HFE: variants seen among roughly 807,000 people sequenced by gnomAD.
The protein encoded by HFE is homeostatic iron regulator.
In HFE, 36 loss-of-function variants were observed where a neutral mutation model predicts 40.9. The observed-to-expected ratio is 0.88, with a 90% CI of 0.67 to 1.16. The LOEUF (loss-of-function observed/expected upper bound fraction) is 1.16, where lower values mean the gene tolerates loss of function less well. Among genes scored for constraint, HFE ranks in the 50% most tolerant of loss-of-function variants. The pLI is 0.00. For missense variants in HFE, 376 were observed against 432.0 expected, an observed-to-expected ratio of 0.87 and a Z score of 1.15; for synonymous variants, 157 against 165.4, an observed-to-expected ratio of 0.95 and a Z score of 0.39.
At chr6:26,093,576 A>G (rs1299578155) in intron 5 of HFE, among the ~76,000 whole-genome samples, 1 of 152,098 alleles carries the variant, frequency 6.6e-6, no homozygotes, top group Non-Finnish European at 1.5e-5. Flanking sequence ...TGAGGTCCTA[A>G]AGCAGGCAGG....
rs200919231 is a variant in HFE, at chr6:26,094,155, T to G, written c.1007-31T>G. ...GGCAAGATGGTGCCTAGGTTTGTGA[T>G]GCCTCTTTCCTGGGTCTCTTGTCTC... On this transcript the variant is annotated intron_variant, in intron 5 of 5. Coordinates refer to ENST00000357618, the MANE Select transcript of HFE (RefSeq NM_000410.4). 590 of 1,612,036 alleles carry G rather than the reference T, an allele frequency of 3.7e-4. 2 individuals are homozygous for G. The highest frequency in any genetic ancestry group is 4.3e-4 in the Non-Finnish European group (509 of 1,178,682).
In HFE at chr6:26,087,457, G is replaced by C; in HGVS notation, c.17G>C (p.Arg6Thr). ...GCTGGGGAAATGGGCCCGCGAGCCAGGCCGGCGCTTCTCCTCCTGATGCTT... is the reference window on the plus strand; with the variant it reads ...GCTGGGGAAATGGGCCCGCGAGCCACGCCGGCGCTTCTCCTCCTGATGCTT... The part of the protein sequence containing the change: MGPRA[R>T]PALLLLMLLQ... The change falls in exon 1 of 6, where the codon AGG becomes ACG. Residue 6 changes from arginine to threonine, a missense_variant. Physicochemically the swap from Arg to Thr is moderately conservative, Grantham distance 71 (BLOSUM62 -1). Around this residue, in one of 3 missense-constraint regions of HFE, gnomAD observed 200 missense variants for 228.5 expected, o/e 0.88. Coordinates refer to ENST00000357618, the MANE Select transcript of HFE (RefSeq NM_000410.4). The C allele has an allele frequency of 1.9e-6, 3 of 1,614,138 alleles. No homozygotes were observed. The highest frequency in any genetic ancestry group is 2.5e-6 in the Non-Finnish European group (3 of 1,180,004).
chr6:26,087,834 G>C (rs917471125), intron 1 of HFE, among the ~76,000 whole-genome samples: 8 of 152,216 alleles, frequency 5.3e-5, no homozygotes, highest in Non-Finnish European at 1.2e-4. Context: ...CTTGAGCTGA[G>C]CTAAGCCTGG....
At chr6:26,091,618 T>C in intron 3 of HFE, 29 bp downstream of exon 3, 1 of 1,606,670 alleles carries the variant, frequency 6.2e-7, no homozygotes, top group Non-Finnish European at 8.5e-7. Flanking sequence ...TCTGCCCCTA[T>C]ACTCTAGTGG....
Position 26,094,526 on chromosome 6 carries a change from A to G in HFE, c.*300A>G. ...TTCCTCCGTCACCTCAGAGACATACACCTATGTCATTTCATTTCCTATTTT... is the reference window on the plus strand; with the variant it reads ...TTCCTCCGTCACCTCAGAGACATACGCCTATGTCATTTCATTTCCTATTTT... On this transcript the variant is annotated 3_prime_UTR_variant, in exon 6 of 6. Transcript: ENST00000357618. 1.5e-6 allele frequency: 1 copy of G among 680,916 alleles called. No homozygotes were observed. Among genetic ancestry groups the G allele is most frequent in the South Asian group, 1.6e-5 (1 of 63,836 alleles). 42.2% of individuals were successfully genotyped at this position (680,916 alleles called of 1,614,324 possible).
chr6:26,094,041 T>A (rs1762905253), intron 5 of HFE, 145 bp from the exon 6 acceptor site: 1 of 803,858 alleles, frequency 1.2e-6, no homozygotes, highest in South Asian at 1.4e-5. Context: ...AATAAGCATT[T>A]CCAGATGAGA....
Position 26,092,865 on chromosome 6 carries a change from G to T in HFE, c.797G>T (p.Gly266Val). 6.2e-7 allele frequency: 1 copy of T among 1,614,244 alleles called. No homozygotes were observed. The highest frequency in any genetic ancestry group is 8.5e-7 in the Non-Finnish European group (1 of 1,180,046). The change falls in exon 4 of 6, where the codon GGC becomes GTC. Residue 266 changes from glycine to valine, a missense_variant. Physicochemically the swap from Gly to Val is moderately radical, Grantham distance 109. Transcript: ENST00000357618. ...VLPNGDGTYQ[G>V]WITLAVPPGE... is the part of the protein sequence containing the mutation. Reference sequence around the variant, plus strand: ...CCCAATGGGGATGGGACCTACCAGGGCTGGATAACCTTGGCTGTACCCCCT... The same window carrying T: ...CCCAATGGGGATGGGACCTACCAGGTCTGGATAACCTTGGCTGTACCCCCT...
At position 26,093,129 on chromosome 6, in the gene HFE, G is replaced by A. The variant is rs372856303; in HGVS notation, c.903G>A (p.Pro301=). Residue 301 remains proline (P), a synonymous_variant, in exon 5 of 6, where the codon CCG becomes CCA. Transcript: ENST00000357618. ...CTTTTTCTGTTTTAGAGCCCTCACC[G>A]TCTGGCACCCTAGTCATTGGAGTCA... ...QPLIVIWEPS[P]SGTLVIGVIS... 28 of 1,614,070 alleles carry A rather than the reference G, an allele frequency of 1.7e-5. 2 individuals carry two copies. Among genetic ancestry groups the A allele is most frequent in the Admixed American group, 1.0e-4 (6 of 60,028 alleles).
chr6:26,092,268 G>A lies in HFE; in HGVS notation c.617-417G>A, dbSNP rs372894456. 1.0e-4 allele frequency among the ~76,000 whole-genome samples: 15 copies of A among 150,502 alleles called. No homozygotes were observed. In the South Asian group the frequency reaches 3.0e-3, roughly 30 times the overall value. On this transcript the variant is annotated intron_variant, in intron 3 of 5. Transcript: ENST00000357618. ...TCAAGTGAGGCCACTTATCAGAGTAGAAGAATCCTTTAGGTTAAAAGTTTC... is the reference window on the plus strand; with the variant it reads ...TCAAGTGAGGCCACTTATCAGAGTAAAAGAATCCTTTAGGTTAAAAGTTTC...
intron 1 of HFE, among the ~76,000 whole-genome samples, chr6:26,087,753 G>C (rs1762386420): frequency 6.6e-6 from 1 of 152,174 alleles, no homozygotes; most frequent in South Asian, 2.1e-4. Context: ...CGGCTCTGCG[G>C]AGTGACTTTT....
At chr6:26,093,367 G>A in intron 5 of HFE, 135 bp downstream of exon 5, 1 of 697,806 alleles carries the variant, frequency 1.4e-6, no homozygotes, top group Non-Finnish European at 2.6e-6. Context: ...CAGCTCCCTG[G>A]GAGACAGAAA....
intron 3 of HFE, among the ~76,000 whole-genome samples, chr6:26,092,087 T>C (rs1340600566): frequency 3.4e-5 from 5 of 147,468 alleles, no homozygotes; most frequent in Non-Finnish European, 5.9e-5. Flanking sequence ...GGCAGGAGCA[T>C]CGCTTGAACC....
Position 26,096,632 on chromosome 6 carries a change from C to CT in HFE, c.*2413dup, listed in dbSNP as rs1420078589. On this transcript the variant is annotated 3_prime_UTR_variant, in exon 6 of 6. Transcript: ENST00000357618. The stretch of plus-strand genomic sequence containing the variant: ...CTCATCTCTTCTTTTAAACCATTTT[C>CT]TTTTTTTGTGGTTAGAAAAGTTATG... 6.7e-6 allele frequency: 3 copies of CT among 448,012 alleles called. No individual in the cohort carries two copies. Among genetic ancestry groups the CT allele is most frequent in the South Asian group, 1.6e-5 (1 of 62,242 alleles). The allele number at this position is 448,012 out of a possible 1,614,324, so 27.8% of individuals were successfully genotyped here.
rs368796579 is a variant in HFE, at chr6:26,093,017, G to A, written c.892+57G>A. 22 of 1,613,878 alleles carry A rather than the reference G, an allele frequency of 1.4e-5. No individual in the cohort carries two copies. The highest frequency in any genetic ancestry group is 1.1e-5 in the Non-Finnish European group (13 of 1,180,024). ...AAATCTATTGGGGGTTGAGAGGAGT[G>A]CCTGAGGAGGTAATTATGGCAGTGA... On this transcript the variant is annotated intron_variant, in intron 4 of 5. Coordinates refer to ENST00000357618, the MANE Select transcript of HFE (RefSeq NM_000410.4).
In HFE at chr6:26,096,746, A is replaced by C; in HGVS notation, c.*2520A>C. 2 of 370,928 alleles carry C rather than the reference A, an allele frequency of 5.4e-6. No homozygotes were observed. The highest frequency in any genetic ancestry group is 4.2e-5 in the South Asian group (2 of 47,774). The allele number at this position is 370,928 out of a possible 1,614,324, so 23.0% of individuals were successfully genotyped here. A position where few individuals can be genotyped will look rare whatever the true frequency, so the allele number is the denominator to read the frequency against. ...CTGTTATTTAATTAGCCAGTGAAAAACTATTAACAACTTGTCTATTACCTG... is the reference window on the plus strand; with the variant it reads ...CTGTTATTTAATTAGCCAGTGAAAACCTATTAACAACTTGTCTATTACCTG... On this transcript the variant is annotated 3_prime_UTR_variant, in exon 6 of 6. Coordinates refer to ENST00000357618, the MANE Select transcript of HFE (RefSeq NM_000410.4).
At chr6:26,090,796 T>C in intron 1 of HFE, 45 bp from the exon 2 acceptor site, 1 of 1,606,048 alleles carries the variant, frequency 6.2e-7, no homozygotes, top group Non-Finnish European at 8.5e-7. Flanking sequence ...AACATCCTGC[T>C]CCCCTCCTAC....
At position 26,098,104 on chromosome 6, in the gene HFE, T is replaced by C. The variant is rs1021738899; in HGVS notation, c.*3878T>C. ...AACTTCTACACTCTAACATGTAGAATGTTACTACAATATTAAAGTATTTTG... is the reference window on the plus strand; with the variant it reads ...AACTTCTACACTCTAACATGTAGAACGTTACTACAATATTAAAGTATTTTG... On this transcript the variant is annotated 3_prime_UTR_variant, in exon 6 of 6. Transcript: ENST00000357618. The C allele has an allele frequency of 6.6e-6, 1 of 152,216 alleles. No individual in the cohort carries two copies. The highest frequency in any genetic ancestry group is 2.4e-5 in the African/African-American group (1 of 41,464). 9.4% of individuals were successfully genotyped at this position (152,216 alleles called of 1,614,324 possible). A position where few individuals can be genotyped will look rare whatever the true frequency, so the allele number is the denominator to read the frequency against.
intron 3 of HFE, 166 bp from the exon 4 acceptor site, chr6:26,092,518 TG>T: frequency 9.0e-7 from 1 of 1,110,832 alleles, no homozygotes; most frequent in Non-Finnish European, 1.3e-6. Context: ...CAAGTGACAC[TG>T]TGTTAGAGTC....
At chr6:26,089,114 G>T (rs1467734646) in intron 1 of HFE, among the ~76,000 whole-genome samples, 14 of 148,296 alleles carry the variant, frequency 9.4e-5, no homozygotes, top group African/African-American at 2.5e-4. Context: ...TGTGTGGGGG[G>T]GGGGGGCGGC....
Sources: allele counts gnomAD v4.1 joint callset (sites outside exome capture counted in the v4.1 genomes callset), GRCh38; gene constraint gnomAD v4.1.1; regional missense constraint gnomAD v4.1.1; transcripts MANE v1.5; gene names NCBI Gene and HGNC (gene_info 2026-07-23, HGNC 2026-07-21).